The following TERF1 variants were observed in gnomAD, a reference collection of about 807,000 sequenced individuals.
TERF1 encodes telomeric repeat-binding factor 1.
TERF1 carries 20 observed loss-of-function variants against 55.1 expected under a neutral mutation model. The observed-to-expected ratio is 0.36, with a 90% CI of 0.26 to 0.53. TERF1 has a LOEUF of 0.53. Among genes scored for constraint, TERF1 ranks in the 20% least tolerant of loss-of-function variants. The pLI is 0.91. For missense variants in TERF1, 439 were observed against 535.7 expected (o/e 0.82, Z 1.78); for synonymous variants, 168 against 181.2 (o/e 0.93, Z 0.59).
At chr8:73,037,766 T>TATATATATTATATATATA (rs1563472086) in intron 8 of TERF1, among the ~76,000 whole-genome samples, 29 of 52,948 alleles carry the variant, frequency 5.5e-4, no homozygotes, top group African/African-American at 1.9e-3. Context: ...TATTATATAG[T>TATATATATTATATATATA]ATAATATATA....
rs1808383251 is a variant in TERF1, at chr8:73,013,933, T to C, written c.358T>C (p.Leu120=). 1.2e-6 allele frequency: 2 copies of C among 1,611,512 alleles called. No individual in the cohort carries two copies. Among genetic ancestry groups the C allele is most frequent in the Non-Finnish European group, 8.5e-7 (1 of 1,179,514 alleles). The stretch of plus-strand genomic sequence containing the variant: ...ACTATCCAGTCTAACAGCTTGCCAG[T>C]TGAGAACGATATACATATGTCAGTT... ...HGLSSLTACQ[L]RTIYICQFLT... Residue 120 remains leucine, a synonymous_variant, in exon 2 of 10, where the codon TTG becomes CTG. Transcript: ENST00000276603.
At chr8:73,026,761 A>G (rs1163153453) in intron 5 of TERF1, among the ~76,000 whole-genome samples, 179 bp from the exon 6 acceptor site, 1 of 152,150 alleles carries the variant, frequency 6.6e-6, no homozygotes, top group African/African-American at 2.4e-5. Context: ...TAGCTAATGT[A>G]GCTGCTGGCA....
chr8:73,009,063 G>A lies in TERF1; in HGVS notation c.177G>A (p.Glu59=), dbSNP rs1234492432. ...VQVGAPEEEE[E]EEEDAGLVAE... ...TGGGGGCCCCCGAGGAGGAGGAGGA[G>A]GAGGAGGAGGACGCGGGCCTGGTGG... The change falls in exon 1 of 10, where the codon GAG becomes GAA. Residue 59 remains glutamate, a synonymous_variant. Transcript: ENST00000276603. 6.2e-7 allele frequency: 1 copy of A among 1,609,708 alleles called. No homozygotes were observed. Among genetic ancestry groups the A allele is most frequent in the Non-Finnish European group, 8.5e-7 (1 of 1,178,404 alleles).
intron 9 of TERF1, among the ~76,000 whole-genome samples, chr8:73,044,403 G>A (rs1302553564): frequency 2.0e-5 from 3 of 152,130 alleles, no homozygotes; most frequent in African/African-American, 2.4e-5. Flanking sequence ...GTTTGGTTAC[G>A]GTCACTGCCA....
At position 73,047,421 on chromosome 8, in the gene TERF1, A is replaced by G. The variant is rs1810087359; in HGVS notation, c.*1284A>G. On this transcript the variant is annotated 3_prime_UTR_variant, in exon 10 of 10. Coordinates refer to ENST00000276603, the MANE Select transcript of TERF1 (RefSeq NM_017489.3). ...TTGGGCCTAAAACAGTATTCTGTAA[A>G]GCTTAAATTGGTATTAACTATGATC... The G allele has an allele frequency of 6.6e-6, 1 of 152,214 alleles. No homozygotes were observed. The highest frequency in any genetic ancestry group is 2.4e-5 in the African/African-American group (1 of 41,554). The allele number at this position is 152,214 out of a possible 1,614,324, so 9.4% of individuals were successfully genotyped here.
chr8:73,040,823 A>G (rs1448224941), intron 9 of TERF1, among the ~76,000 whole-genome samples: 1 of 151,874 alleles, frequency 6.6e-6, no homozygotes, highest in Non-Finnish European at 1.5e-5. Context: ...CAGTTTGAGA[A>G]CTTTCTATTA....
At chr8:73,021,609 A>AAT (rs1202045606) in intron 3 of TERF1, among the ~76,000 whole-genome samples, 1 of 152,186 alleles carries the variant, frequency 6.6e-6, no homozygotes, top group Non-Finnish European at 1.5e-5. Context: ...AATCCTATGA[A>AAT]ATAGGTACTA....
rs55905668 is a variant in TERF1 at position 73,020,308 on chromosome 8, A to G, written c.416-376A>G. Among the ~76,000 whole-genome samples, 1,055 of 152,306 alleles carry G rather than the reference A, an allele frequency of 6.9e-3. 8 individuals carry two copies. Among genetic ancestry groups the G allele is most frequent in the African/African-American group, 0.023 (970 of 41,580 alleles). ...ATTCACATAAATTCTGTGAGATAGT[A>G]TTTATTCTCACCATTTTATAGGTGA... On this transcript the variant is annotated intron_variant, in intron 2 of 9. Coordinates refer to ENST00000276603, the MANE Select transcript of TERF1 (RefSeq NM_017489.3).
intron 3 of TERF1, 152 bp downstream of exon 3, chr8:73,020,957 G>A (rs1808723955): frequency 3.5e-6 from 2 of 572,164 alleles, no homozygotes; most frequent in Admixed American, 3.5e-5. Context: ...CTTAACATGA[G>A]CACTGGGGGC....
chr8:73,026,633 T>A (rs1809014688), intron 5 of TERF1, among the ~76,000 whole-genome samples: 1 of 95,078 alleles, frequency 1.1e-5, no homozygotes, highest in African/African-American at 3.7e-5. Context: ...TATCTAGAAT[T>A]TTTATTTTTT....
At chr8:73,024,201 G>C (rs1207703816) in intron 4 of TERF1, among the ~76,000 whole-genome samples, 1 of 152,164 alleles carries the variant, frequency 6.6e-6, no homozygotes, top group Non-Finnish European at 1.5e-5. Context: ...CCCTCAATAG[G>C]CATGAAGAAT....
In TERF1 at chr8:73,046,721, C is replaced by T. The variant is rs1409928979; in HGVS notation, c.*584C>T. ...ATGCTGGTCAGGATGTTCTCCAACT[C>T]CTGACTTCATGATCCACCCACCTCG... On this transcript the variant is annotated 3_prime_UTR_variant, in exon 10 of 10. Coordinates refer to ENST00000276603, the MANE Select transcript of TERF1 (RefSeq NM_017489.3). The T allele has an allele frequency of 1.3e-5, 2 of 152,116 alleles. No homozygotes were observed. The highest frequency in any genetic ancestry group is 4.8e-5 in the African/African-American group (2 of 41,412). The allele number at this position is 152,116 out of a possible 1,614,324, so 9.4% of individuals were successfully genotyped here.
intron 6 of TERF1, 148 bp downstream of exon 6, chr8:73,027,200 G>A (rs1180124311): frequency 1.6e-5 from 10 of 625,688 alleles, no homozygotes; most frequent in Middle Eastern, 4.4e-4. Flanking sequence ...GTACTGTAGA[G>A]TTATTTCATG....
At chr8:73,010,455 G>A (rs55902413) in intron 1 of TERF1, 79 of 152,286 alleles carry the variant, frequency 5.2e-4, no homozygotes, top group African/African-American at 1.6e-3. Context: ...GCTCATGTAG[G>A]TATAGATGAC....
intron 7 of TERF1, 163 bp downstream of exon 7, chr8:73,030,558 C>A (rs1432101886): frequency 2.1e-6 from 1 of 478,172 alleles, no homozygotes; most frequent in Non-Finnish European, 3.6e-6. Context: ...TCTTGAAATT[C>A]CAAACTGTAG....
chr8:73,034,501 G>A (rs2129859279), intron 8 of TERF1, among the ~76,000 whole-genome samples: 2 of 152,198 alleles, frequency 1.3e-5, no homozygotes, highest in Admixed American at 1.3e-4. Flanking sequence ...CCAAACTCAA[G>A]CAATCTGCTT....
chr8:73,041,971 A>G (rs1809850280), intron 9 of TERF1, among the ~76,000 whole-genome samples: 1 of 152,242 alleles, frequency 6.6e-6, no homozygotes, highest in South Asian at 2.1e-4. Flanking sequence ...GTCCCCAGTA[A>G]TTCTTGTGAT....
At chr8:73,029,659 T>C (rs1809195057) in intron 6 of TERF1, among the ~76,000 whole-genome samples, 2 of 152,018 alleles carry the variant, frequency 1.3e-5, no homozygotes, top group Admixed American at 1.3e-4. Flanking sequence ...TCCTCCCATA[T>C]ACTTTAAATC....
chr8:73,009,338 T>A, intron 1 of TERF1, 133 bp downstream of exon 1: 1 of 826,664 alleles, frequency 1.2e-6, no homozygotes, highest in Admixed American at 3.1e-5. Context: ...AGTCCGAGGC[T>A]CCGGGCTGAA....
Sources: gnomAD v4.1 joint callset for allele counts (sites outside exome capture counted in the v4.1 genomes callset) on GRCh38, gnomAD v4.1.1 for gene constraint, MANE v1.5 for transcripts, NCBI Gene and HGNC (gene_info 2026-07-23, HGNC 2026-07-21) for gene names.